The following PROS1 variants were observed in gnomAD, a reference collection of about 807,000 sequenced individuals.
PROS1 encodes the protein vitamin K-dependent protein S.
A neutral mutation model predicts 75.9 loss-of-function variants in PROS1; 29 were observed. The observed-to-expected ratio is 0.38, with a 90% CI of 0.28 to 0.52. PROS1 has a LOEUF of 0.52. PROS1 is among the 20% of genes least tolerant of loss of function. The probability of loss-of-function intolerance (pLI) is 0.83; values close to 1 mark genes in which losing one functional copy is unlikely to be tolerated. For synonymous variants in PROS1, 245 were observed against 280.6 expected (o/e 0.87, Z 1.27); for missense variants, 680 against 810.3 (o/e 0.84, Z 1.95).
At chr3:93,973,545 G>A in intron 1 of PROS1, 129 bp downstream of exon 1, 1 of 910,430 alleles carries the variant, frequency 1.1e-6, no homozygotes, top group Non-Finnish European at 1.8e-6. Flanking sequence ...CATCCGCTGG[G>A]TGTCTGTCGG....
At chr3:93,930,065 T>A (rs1392254741) in intron 1 of PROS1, among the ~76,000 whole-genome samples, 3 of 152,238 alleles carry the variant, frequency 2.0e-5, no homozygotes, top group Admixed American at 2.0e-4. Context: ...AGTGAAGTAA[T>A]ATTACTTTAT....
intron 1 of PROS1, among the ~76,000 whole-genome samples, chr3:93,932,831 G>C (rs995398135): frequency 1.3e-5 from 2 of 152,160 alleles, no homozygotes; most frequent in Non-Finnish European, 2.9e-5. Context: ...GTTCAAGGAG[G>C]GCAGGACCAA....
chr3:93,950,046 G>A (rs1242010146), intron 1 of PROS1, among the ~76,000 whole-genome samples: 2 of 152,150 alleles, frequency 1.3e-5, no homozygotes, highest in Admixed American at 1.3e-4. Flanking sequence ...CCCGCCCATG[G>A]CTCGGAGGGT....
intron 1 of PROS1, among the ~76,000 whole-genome samples, chr3:93,971,447 C>T (rs1365838684): frequency 6.6e-6 from 1 of 151,480 alleles, no homozygotes; most frequent in African/African-American, 2.4e-5. Context: ...AAAATATTTA[C>T]AGCTCTAATT....
At chr3:93,926,871 C>A (rs1425118250) in intron 2 of PROS1, among the ~76,000 whole-genome samples, 1 of 152,086 alleles carries the variant, frequency 6.6e-6, no homozygotes, top group Non-Finnish European at 1.5e-5. Context: ...TTAGTCAGAA[C>A]AAGCTGTTAT....
intron 3 of PROS1, among the ~76,000 whole-genome samples, chr3:93,922,822 C>A (rs1708961307): frequency 6.6e-6 from 1 of 151,816 alleles, no homozygotes; most frequent in African/African-American, 2.4e-5. Context: ...TGCCTATATA[C>A]AAATAAAGAC....
At chr3:93,928,025 T>TTTTG in intron 1 of PROS1, among the ~76,000 whole-genome samples, 1 of 121,802 alleles carries the variant, frequency 8.2e-6, no homozygotes, top group Non-Finnish European at 1.7e-5. Flanking sequence ...TTTTTTTTTT[T>TTTTG]TTTTTTTGAG....
At chr3:93,918,224 G>A (rs538720768) in intron 3 of PROS1, among the ~76,000 whole-genome samples, 84 of 152,100 alleles carry the variant, frequency 5.5e-4, no homozygotes, top group South Asian at 3.7e-3. Flanking sequence ...TGGTGGGGAC[G>A]TGGAGAAACT....
At chr3:93,940,056 C>G (rs1259604054) in intron 1 of PROS1, among the ~76,000 whole-genome samples, 1 of 152,274 alleles carries the variant, frequency 6.6e-6, no homozygotes. Context: ...TTCAGGACCT[C>G]CTCCCCCAGG....
intron 1 of PROS1, among the ~76,000 whole-genome samples, chr3:93,969,818 G>A (rs1448349867): frequency 6.6e-6 from 1 of 151,658 alleles, no homozygotes; most frequent in Non-Finnish European, 1.5e-5. Context: ...GTTCATTACT[G>A]TTGCTTATAG....
chr3:93,889,360 G>A (rs1708395458), intron 10 of PROS1, among the ~76,000 whole-genome samples: 1 of 151,896 alleles, frequency 6.6e-6, no homozygotes, highest in Non-Finnish European at 1.5e-5. Flanking sequence ...ATAAGGATTA[G>A]CACATAGAAG....
At chr3:93,968,916 G>A (rs893421363) in intron 1 of PROS1, among the ~76,000 whole-genome samples, 1 of 152,030 alleles carries the variant, frequency 6.6e-6, no homozygotes, top group Non-Finnish European at 1.5e-5. Context: ...ATAAGGGCTC[G>A]GATTCTTCCT....
intron 4 of PROS1, 70 bp downstream of exon 4, chr3:93,910,549 T>C (rs1708744463): frequency 7.9e-7 from 1 of 1,272,390 alleles, no homozygotes; most frequent in Non-Finnish European, 1.1e-6. Flanking sequence ...CGTTAGTTTA[T>C]ATTACCATGG....
intron 3 of PROS1, among the ~76,000 whole-genome samples, chr3:93,921,577 C>A (rs1412007658): frequency 6.6e-6 from 1 of 152,130 alleles, no homozygotes; most frequent in Non-Finnish European, 1.5e-5. Flanking sequence ...GTTTGTATAA[C>A]TAAGTTCTCT....
rs577761048 is a variant in PROS1 at position 93,948,403 on chromosome 3, T to C, written c.77-20996A>G. Reference sequence around the variant, plus strand: ...TATTCTGTTGATTTGGGGTGGAGAGTTCTGTAGATGTCTATTAGGTCTGCT... The same window carrying C: ...TATTCTGTTGATTTGGGGTGGAGAGCTCTGTAGATGTCTATTAGGTCTGCT... On this transcript the variant is annotated intron_variant, in intron 1 of 14. Coordinates refer to ENST00000394236, the MANE Select transcript of PROS1 (RefSeq NM_000313.4). 3.3e-5 allele frequency among the ~76,000 whole-genome samples: 5 copies of C among 151,940 alleles called. No individual in the cohort carries two copies. In the South Asian group the frequency reaches 1.0e-3, roughly 32 times the overall value.
At chr3:93,919,400 T>C (rs1279251631) in intron 3 of PROS1, among the ~76,000 whole-genome samples, 2 of 143,532 alleles carry the variant, frequency 1.4e-5, no homozygotes, top group Non-Finnish European at 3.1e-5. Flanking sequence ...GAAAGTTTTC[T>C]TCTTTGAAAA....
intron 11 of PROS1, among the ~76,000 whole-genome samples, chr3:93,885,861 A>C (rs758864591): frequency 2.6e-5 from 4 of 152,208 alleles, no homozygotes; most frequent in Admixed American, 6.5e-5. Flanking sequence ...GTAAATATTT[A>C]ACAATAAATT....
At chr3:93,908,647 T>G (rs2107175046) in intron 4 of PROS1, among the ~76,000 whole-genome samples, 1 of 152,304 alleles carries the variant, frequency 6.6e-6, no homozygotes, top group Non-Finnish European at 1.5e-5. Context: ...ATAGTTTGTT[T>G]TAGACTACCC....
chr3:93,971,627 CCA>C (rs748664337), intron 1 of PROS1, among the ~76,000 whole-genome samples: 7,327 of 124,330 alleles, frequency 0.059, 219 homozygotes, highest in Middle Eastern at 0.078. Flanking sequence ...AAAATAAAAA[CCA>C]CACACACACA....
Sources: allele counts gnomAD v4.1 joint callset (sites outside exome capture counted in the v4.1 genomes callset), GRCh38; gene constraint gnomAD v4.1.1; transcripts MANE v1.5; gene names NCBI Gene and HGNC (gene_info 2026-07-23, HGNC 2026-07-21).